NAV2: variants seen among roughly 807,000 people sequenced by gnomAD.
The protein encoded by NAV2 is helicase, APC down-regulated 1.
In NAV2, 54 loss-of-function variants were observed where a neutral mutation model predicts 223.2. The ratio of observed to expected loss-of-function variants is 0.24; its 90% CI spans 0.19 to 0.30. NAV2 has a LOEUF of 0.30. Among genes scored for constraint, NAV2 ranks in the 10% least tolerant of loss-of-function variants. The pLI is 1.00. For missense variants in NAV2, 2,806 were observed against 3,147.5 expected (o/e 0.89, Z 2.60); for synonymous variants, 1,279 against 1,239.3 (o/e 1.03, Z -0.67).
At chr11:20,077,414 G>C in intron 22 of NAV2, 138 bp from the exon 23 acceptor site, 1 of 619,554 alleles carries the variant, frequency 1.6e-6, no homozygotes, top group Non-Finnish European at 2.9e-6. Context: ...AGAGTGGTGG[G>C]GAGTGGGATT....
At chr11:19,846,179 A>G (rs1470112174) in intron 3 of NAV2, among the ~76,000 whole-genome samples, 5 of 152,168 alleles carry the variant, frequency 3.3e-5, no homozygotes, top group African/African-American at 1.2e-4. Flanking sequence ...CCAGGCATGG[A>G]ACCCATTTCT....
intron 1 of NAV2, among the ~76,000 whole-genome samples, chr11:19,478,576 G>T (rs940930926): frequency 1.3e-5 from 2 of 152,194 alleles, no homozygotes; most frequent in African/African-American, 4.8e-5. Context: ...AATTTGTAGA[G>T]CACCTACAAT....
chr11:19,654,157 T>C (rs1246581926), intron 1 of NAV2, among the ~76,000 whole-genome samples: 1 of 152,056 alleles, frequency 6.6e-6, no homozygotes, highest in African/African-American at 2.4e-5. Context: ...TCAAAGAGAA[T>C]AAAATACCTA....
intron 1 of NAV2, among the ~76,000 whole-genome samples, chr11:19,451,881 C>A (rs1851800414): frequency 6.6e-6 from 1 of 152,202 alleles, no homozygotes; most frequent in Non-Finnish European, 1.5e-5. Context: ...GCAACAGCAG[C>A]TGCTGAGGTG....
chr11:19,607,195 A>G (rs2046500442), intron 1 of NAV2, among the ~76,000 whole-genome samples: 1 of 152,204 alleles, frequency 6.6e-6, no homozygotes, highest in Non-Finnish European at 1.5e-5. Flanking sequence ...TTGGATCTTC[A>G]GCTCTTACTC....
chr11:20,081,007 G>C, intron 25 of NAV2, among the ~76,000 whole-genome samples: 1 of 152,188 alleles, frequency 6.6e-6, no homozygotes, highest in Admixed American at 6.5e-5. Context: ...GAGTTGACCA[G>C]TGGCCCCGTT....
At chr11:19,364,394 C>G (rs1854142179) in intron 1 of NAV2, among the ~76,000 whole-genome samples, 1 of 152,188 alleles carries the variant, frequency 6.6e-6, no homozygotes, top group Non-Finnish European at 1.5e-5. Context: ...GGAAGCTCTC[C>G]TTCCTGACAG....
intron 6 of NAV2, among the ~76,000 whole-genome samples, chr11:19,895,837 G>C (rs1334299486): frequency 6.6e-6 from 1 of 152,086 alleles, no homozygotes; most frequent in African/African-American, 2.4e-5. Context: ...AGTCTGACCT[G>C]TTGATTGCAG....
At chr11:19,362,368 C>T (rs1854003339) in intron 1 of NAV2, among the ~76,000 whole-genome samples, 1 of 152,188 alleles carries the variant, frequency 6.6e-6, no homozygotes, top group South Asian at 2.1e-4. Context: ...TAAATTGACT[C>T]ATTTTTTTTA....
intron 1 of NAV2, among the ~76,000 whole-genome samples, chr11:19,468,511 T>G (rs181627765): frequency 6.6e-6 from 1 of 152,186 alleles, no homozygotes; most frequent in African/African-American, 2.4e-5. Context: ...TCTTGTGGCA[T>G]TCTCCTTTCT....
chr11:19,627,385 T>C lies in NAV2; in HGVS notation c.76-205099T>C, dbSNP rs569655139. Among the ~76,000 whole-genome samples the C allele has an allele frequency of 6.2e-4, 93 of 150,752 alleles. 1 individual carries two copies. Among genetic ancestry groups the C allele is most frequent in the African/African-American group, 2.2e-3 (90 of 40,990 alleles). On this transcript the variant is annotated intron_variant, in intron 1 of 37. Coordinates refer to the NAV2 transcript ENST00000360655. ...GCCTGGACAACAGAGCGAGACTCTG[T>C]CTCAAAAAAAAAAAGAGATCCATGT... is the stretch of plus-strand genomic sequence containing the variant.
intron 1 of NAV2, among the ~76,000 whole-genome samples, chr11:19,552,510 C>A (rs912812867): frequency 6.6e-6 from 1 of 152,254 alleles, no homozygotes; most frequent in Admixed American, 6.5e-5. Flanking sequence ...TCACTTTTCT[C>A]CCATCCCACC....
intron 1 of NAV2, among the ~76,000 whole-genome samples, chr11:19,814,385 C>G (rs1427974817): frequency 1.3e-5 from 2 of 152,200 alleles, no homozygotes; most frequent in African/African-American, 2.4e-5. Context: ...ACTGCCCTCT[C>G]CCTCCCCTGG....
At chr11:19,767,889 C>A (rs1440048567) in intron 1 of NAV2, among the ~76,000 whole-genome samples, 1 of 152,238 alleles carries the variant, frequency 6.6e-6, no homozygotes, top group Non-Finnish European at 1.5e-5. Context: ...AGGAAGATAA[C>A]CATGAGTCTG....
intron 1 of NAV2, among the ~76,000 whole-genome samples, chr11:19,600,635 C>G (rs79462482): frequency 6.6e-6 from 1 of 152,064 alleles, no homozygotes; most frequent in African/African-American, 2.4e-5. Flanking sequence ...GTGATTTGGG[C>G]GGGTTTCTTA....
At chr11:19,988,542 TTC>T (rs1453349149) in intron 11 of NAV2, among the ~76,000 whole-genome samples, 1 of 151,680 alleles carries the variant, frequency 6.6e-6, no homozygotes, top group Non-Finnish European at 1.5e-5. Flanking sequence ...GGAGAGATTT[TTC>T]TTTTCTTCTT....
intron 4 of NAV2, among the ~76,000 whole-genome samples, chr11:19,877,357 C>A (rs1358311950): frequency 6.6e-6 from 1 of 152,066 alleles, no homozygotes; most frequent in Non-Finnish European, 1.5e-5. Context: ...CATCTATCCC[C>A]ATAATTAGCA....
intron 1 of NAV2, among the ~76,000 whole-genome samples, chr11:19,485,605 C>G (rs559583115): frequency 2.1e-4 from 32 of 152,264 alleles, no homozygotes; most frequent in Admixed American, 6.5e-4. Flanking sequence ...CCAGGGAAGG[C>G]AATTCAACAA....
chr11:19,946,875 A>G (rs1430937139), intron 9 of NAV2, among the ~76,000 whole-genome samples: 2 of 152,194 alleles, frequency 1.3e-5, no homozygotes, highest in African/African-American at 4.8e-5. Context: ...TTCCTACCCA[A>G]TCTTCTGATA....
Sources: gnomAD v4.1 joint callset for allele counts (sites outside exome capture counted in the v4.1 genomes callset) on GRCh38, gnomAD v4.1.1 for gene constraint, MANE v1.5 for transcripts, NCBI Gene and HGNC (gene_info 2026-07-23, HGNC 2026-07-21) for gene names.